The following ACAD10 variants were observed in gnomAD, a reference collection of about 807,000 sequenced individuals.
ACAD10 encodes acyl-CoA dehydrogenase family member 10, also known as ACAD-10.
Under a neutral mutation model 116.8 loss-of-function variants are expected in ACAD10, and 112 were observed. That is an observed-to-expected ratio of 0.96 (90% CI 0.82 to 1.12). The LOEUF (loss-of-function observed/expected upper bound fraction) is 1.12. Among genes scored for constraint, ACAD10 ranks in the 50% most tolerant of loss-of-function variants. The pLI is 0.00. For synonymous variants in ACAD10, 486 were observed against 510.6 expected (o/e 0.95, Z 0.65); for missense variants, 1,259 against 1,350.2 (o/e 0.93, Z 1.06).
At chr12:111,718,602 C>T (rs911290666) in intron 7 of ACAD10, among the ~76,000 whole-genome samples, 4 of 152,088 alleles carry the variant, frequency 2.6e-5, no homozygotes, top group Non-Finnish European at 5.9e-5. Context: ...GTCTCAGCCT[C>T]CTGAGTAGCT....
chr12:111,748,264 T>G, intron 16 of ACAD10, 53 bp from the exon 17 acceptor site: 1 of 1,605,904 alleles, frequency 6.2e-7, no homozygotes, highest in Non-Finnish European at 8.5e-7. Context: ...TGTGTAGAGA[T>G]TTGATGGCCC....
intron 20 of ACAD10, 28 bp from the exon 21 acceptor site, chr12:111,756,305 C>T: frequency 6.4e-7 from 1 of 1,557,880 alleles, no homozygotes; most frequent in Non-Finnish European, 8.6e-7. Context: ...TGACCCAGGG[C>T]CGCCTCCCTC....
intron 1 of ACAD10, among the ~76,000 whole-genome samples, chr12:111,688,805 A>AC (rs1204251486): frequency 6.6e-6 from 1 of 151,514 alleles, no homozygotes; most frequent in East Asian, 1.9e-4. Flanking sequence ...CCGTCTCAAA[A>AC]CAAAACAAAA....
Position 111,713,452 on chromosome 12 carries a change from T to A in ACAD10, c.850+795T>A, listed in dbSNP as rs1367913260. On this transcript the variant is annotated intron_variant, in intron 6 of 20. Transcript: ENST00000313698. ...CCAGGCTGACCAACATGGTGAAACCTTGACTCTACTAAAAATACAAAAATT... is the reference window on the plus strand; with the variant it reads ...CCAGGCTGACCAACATGGTGAAACCATGACTCTACTAAAAATACAAAAATT... Among the ~76,000 whole-genome samples, 3 of 148,514 alleles carry A rather than the reference T, an allele frequency of 2.0e-5. No homozygotes were observed. The South Asian group carries it at 6.4e-4, about 32-fold the overall frequency.
At chr12:111,692,620 C>G in intron 1 of ACAD10, 77 bp from the exon 2 acceptor site, 1 of 1,446,568 alleles carries the variant, frequency 6.9e-7, no homozygotes, top group South Asian at 1.3e-5. Context: ...TCTGGCTGGC[C>G]CCTCTGAGCT....
chr12:111,705,160 C>T (rs1384165498), intron 3 of ACAD10, among the ~76,000 whole-genome samples: 1 of 151,720 alleles, frequency 6.6e-6, no homozygotes, highest in Non-Finnish European at 1.5e-5. Context: ...TCACTGTATC[C>T]TCTTATGATA....
intron 2 of ACAD10, 141 bp from the exon 3 acceptor site, chr12:111,702,021 T>A: frequency 1.2e-6 from 1 of 836,146 alleles, no homozygotes; most frequent in Non-Finnish European, 1.9e-6. Context: ...TTTTGCATTT[T>A]GTGAATGTCT....
chr12:111,692,248 G>A (rs1888069341), intron 1 of ACAD10, among the ~76,000 whole-genome samples: 1 of 152,198 alleles, frequency 6.6e-6, no homozygotes, highest in Admixed American at 6.5e-5. Flanking sequence ...GATTACAGGA[G>A]TGAGCCACCA....
intron 10 of ACAD10, 29 bp downstream of exon 10, chr12:111,729,985 A>G: frequency 1.2e-6 from 2 of 1,608,228 alleles, no homozygotes; most frequent in South Asian, 1.1e-5. Context: ...AGAGCTGAAA[A>G]ATGACAGCAA....
chr12:111,724,581 T>G (rs1195064202), intron 8 of ACAD10, among the ~76,000 whole-genome samples: 1 of 152,198 alleles, frequency 6.6e-6, no homozygotes, highest in Non-Finnish European at 1.5e-5. Context: ...GGCTGGCGGA[T>G]CACTCGCGGT....
At chr12:111,741,137 A>G (rs1889730861) in intron 12 of ACAD10, among the ~76,000 whole-genome samples, 1 of 152,230 alleles carries the variant, frequency 6.6e-6, no homozygotes, top group Non-Finnish European at 1.5e-5. Flanking sequence ...GTTTAACTGT[A>G]CCTGGTCTGA....
Position 111,729,826 on chromosome 12 carries a change from G to C in ACAD10, c.1264G>C (p.Val422Leu). 2.5e-6 allele frequency: 4 copies of C among 1,613,988 alleles called. No homozygotes were observed. In the South Asian group the frequency reaches 4.4e-5, roughly 18 times the overall value. Residue 422 changes from valine (V) to leucine (L), a missense_variant, in exon 10 of 21, where the codon GTA becomes CTA. Transcript: ENST00000313698. Reference sequence around the variant, plus strand: ...CGCAGGGGACTATATTCCACGCCAGGTACGAACCTGGGTTAAGCAGTATCG... The same window carrying C: ...CGCAGGGGACTATATTCCACGCCAGCTACGAACCTGGGTTAAGCAGTATCG... ...GKQGDYIPRQ[V>L]RTWVKQYRAS...
rs140271514 is a variant in ACAD10 at position 111,726,553 on chromosome 12, G to A, written c.1062-1409G>A. Among the ~76,000 whole-genome samples the A allele has an allele frequency of 6.2e-4, 95 of 152,170 alleles. 2 individuals are homozygous for A. The East Asian group carries it at 0.017, about 28-fold the overall frequency. On this transcript the variant is annotated intron_variant, in intron 8 of 20. Coordinates refer to ENST00000313698, the MANE Select transcript of ACAD10 (RefSeq NM_025247.6). ...TGCAATTACCCTTTGAAGTATGTAT[G>A]TTTTACAGATTAAAAAACAACAACA...
intron 5 of ACAD10, among the ~76,000 whole-genome samples, chr12:111,711,682 T>A (rs1044267448): frequency 2.6e-5 from 4 of 151,642 alleles, no homozygotes; most frequent in Admixed American, 2.0e-4. Flanking sequence ...CTGGCTAATT[T>A]TTTGTATTTT....
chr12:111,710,093 T>C (rs1888628737), intron 5 of ACAD10: 1 of 275,002 alleles, frequency 3.6e-6, no homozygotes, highest in South Asian at 3.0e-5. Flanking sequence ...TTCTATTCTT[T>C]TTTTTTTTTT....
chr12:111,712,789 C>A, intron 6 of ACAD10, 132 bp downstream of exon 6: 1 of 1,020,090 alleles, frequency 9.8e-7, no homozygotes. Flanking sequence ...GCCATTGGGC[C>A]TGGTGCATCG....
At position 111,734,022 on chromosome 12, in the gene ACAD10, C is replaced by T. The variant is rs145824704; in HGVS notation, c.1494C>T (p.Tyr498=). 116 of 1,614,094 alleles carry T rather than the reference C, an allele frequency of 7.2e-5. No individual in the cohort carries two copies. In the African/African-American group the frequency reaches 1.3e-3, roughly 18 times the overall value. The change falls in exon 11 of 21, where the codon TAC becomes TAT. Residue 498 remains tyrosine, a synonymous_variant. Coordinates refer to ENST00000313698, the MANE Select transcript of ACAD10 (RefSeq NM_025247.6). ...TLGDPLADVA[Y]SCLAHYLPSS... ...GCGACCCCCTTGCTGATGTGGCCTA[C>T]AGCTGCCTGGCTCATTACCTGCCAT...
At position 111,712,630 on chromosome 12, in the gene ACAD10, A is replaced by T. The variant is rs1442141786; in HGVS notation, c.823A>T (p.Lys275Ter). The T allele has an allele frequency of 3.7e-6, 6 of 1,614,010 alleles. No individual in the cohort carries two copies. ...GAAAGATTCCTTGCAGAAGTACCTC[A>T]AAGACTTACTGGGTATCCAGACCAC... ...IPKDSLQKYLKDLLGIQTTGP... is the reference protein window; with the variant it reads ...IPKDSLQKYL Residue 275 changes from lysine (K) to a stop codon, truncating the protein, a stop_gained, in exon 6 of 21, where the codon AAA becomes TAA. Transcript: ENST00000313698. LOFTEE classifies it high-confidence loss of function.
chr12:111,711,274 C>T (rs1220581016), intron 5 of ACAD10, among the ~76,000 whole-genome samples: 2 of 152,198 alleles, frequency 1.3e-5, no homozygotes, highest in Non-Finnish European at 2.9e-5. Flanking sequence ...AGTCTTGGCT[C>T]ACTGCAAGCT....
Sources: allele counts gnomAD v4.1 joint callset (sites outside exome capture counted in the v4.1 genomes callset), GRCh38; gene constraint gnomAD v4.1.1; transcripts MANE v1.5; gene names NCBI Gene and HGNC (gene_info 2026-07-23, HGNC 2026-07-21).